NLRP10: variants seen among roughly 807,000 people sequenced by gnomAD.
The protein encoded by NLRP10 is NLR family pyrin domain containing 10.
Under a neutral mutation model 8.2 loss-of-function variants are expected in NLRP10, and 7 were observed. The observed-to-expected ratio is 0.85, with a 90% CI of 0.48 to 1.60. NLRP10 has a LOEUF of 1.60. NLRP10 is among the 40% of genes most tolerant of loss of function. The pLI, the probability that NLRP10 is intolerant of heterozygous loss-of-function variation, is 0.00. For missense variants in NLRP10, 814 were observed against 776.3 expected (o/e 1.05, Z -0.58); for synonymous variants, 338 against 314.0 (o/e 1.08, Z -0.81).
Position 7,960,885 on chromosome 11 carries a change from G to T in NLRP10, c.727C>A (p.Arg243=), listed in dbSNP as rs59039403. The T allele has an allele frequency of 1.2e-6, 2 of 1,614,096 alleles. No individual in the cohort carries two copies. Among genetic ancestry groups the T allele is most frequent in the East Asian group, 2.2e-5 (1 of 44,868 alleles). ...PVTEILRQPE[R]LLFILDGFDE... is the part of the protein sequence containing the mutation. The stretch of plus-strand genomic sequence containing the variant: ...AAGCCATCCAGGATGAACAGGAGCC[G>T]CTCTGGCTGCCTCAGAATCTCTGTG... The change falls in exon 3 of 3, where the codon CGG becomes AGG. Residue 243 remains arginine, a synonymous_variant. Transcript: ENST00000691676.
rs191146131 is a variant in NLRP10 at position 7,963,550 on chromosome 11, G to C, written c.-45-10C>G. 2.6e-4 allele frequency: 386 copies of C among 1,509,632 alleles called. 1 individual carries two copies. In the African/African-American group the frequency reaches 4.5e-3, roughly 18 times the overall value. 93.5% of individuals were successfully genotyped at this position (1,509,632 alleles called of 1,614,324 possible). On this transcript the variant is annotated splice_polypyrimidine_tract_variant and intron_variant, in intron 1 of 2. Transcript: ENST00000691676. The stretch of plus-strand genomic sequence containing the variant: ...CCAGAAGACCAGTGACCTGGAGAAA[G>C]AGGCAAAAGGAGAGGTCCACTGCTG...
chr11:7,963,449 G>T lies in NLRP10; in HGVS notation c.47C>A (p.Ala16Asp). 2 of 1,614,012 alleles carry T rather than the reference G, an allele frequency of 1.2e-6. No homozygotes were observed. Among genetic ancestry groups the T allele is most frequent in the Middle Eastern group, 1.7e-4 (1 of 6,024 alleles). The part of the protein sequence containing the change: ...ARKPREALLW[A>D]LSDLEENDFK... Reference sequence around the variant, plus strand: ...ATCGTTCTCCTCAAGGTCACTCAAGGCCCAGAGCAATGCCTCCCGGGGCTT... The same window carrying T: ...ATCGTTCTCCTCAAGGTCACTCAAGTCCCAGAGCAATGCCTCCCGGGGCTT... Residue 16 changes from alanine to aspartate, a missense_variant, in exon 2 of 3, where the codon GCC becomes GAC. Physicochemically the swap from Ala to Asp is moderately radical, Grantham distance 126 (BLOSUM62 -2). Transcript: ENST00000691676.
In NLRP10 at chr11:7,958,724, A is replaced by T. The variant is rs558713100; in HGVS notation, c.*920T>A. On this transcript the variant is annotated 3_prime_UTR_variant, in exon 3 of 3. Coordinates refer to ENST00000691676, the MANE Select transcript of NLRP10 (RefSeq NM_001391958.1). ...ACCACCACGCCCGGCTAACTTTCGT[A>T]TTTTTAGTAAAGACGGGGTTTCACC... 4.6e-5 allele frequency among the ~76,000 whole-genome samples: 7 copies of T among 152,120 alleles called. No individual in the cohort carries two copies. Among genetic ancestry groups the T allele is most frequent in the Admixed American group, 4.6e-4 (7 of 15,270 alleles).
rs1475143494 is a variant in NLRP10, at chr11:7,959,626, G to A, written c.*18C>T. ...TTGTCATTTTCCTCATAGAGATCTT[G>A]TACATATTTAATTAGGTTTATATGT... is the stretch of plus-strand genomic sequence containing the variant. On this transcript the variant is annotated 3_prime_UTR_variant, in exon 3 of 3. Transcript: ENST00000691676. 3 of 1,245,100 alleles carry A rather than the reference G, an allele frequency of 2.4e-6. No individual in the cohort carries two copies. The highest frequency in any genetic ancestry group is 3.4e-6 in the Non-Finnish European group (3 of 885,500). 77.1% of individuals were successfully genotyped at this position (1,245,100 alleles called of 1,614,324 possible).
rs746592595 is a variant in NLRP10, at chr11:7,961,018, G to C, written c.594C>G (p.Gly198=). 6.2e-7 allele frequency: 1 copy of C among 1,614,178 alleles called. No homozygotes were observed. Among genetic ancestry groups the C allele is most frequent in the Admixed American group, 1.7e-5 (1 of 60,018 alleles). ...LDWATGTLYP[G]RFDYVFYVSC... ...TTACATAAAAGACATAATCAAACCG[G>C]CCTGGGTACAGAGTACCGGTGGCCC... Residue 198 remains glycine, a synonymous_variant, in exon 3 of 3, where the codon GGC becomes GGG. Transcript: ENST00000691676.
Position 7,960,543 on chromosome 11 carries a change from A to C in NLRP10, c.1069T>G (p.Cys357Gly), listed in dbSNP as rs1941698700. The C allele has an allele frequency of 6.2e-7, 1 of 1,614,064 alleles. No homozygotes were observed. The highest frequency in any genetic ancestry group is 8.5e-7 in the Non-Finnish European group (1 of 1,180,046). The change falls in exon 3 of 3, where the codon TGC (cysteine) becomes GGC (glycine). Residue 357 changes from cysteine (C) to glycine (G), a missense_variant. Cys to Gly is a radical substitution (Grantham distance 159). Transcript: ENST00000691676. ...LYKACQVPGI[C>G]WVVCSWLQGQ... ...TGCAGCCAGGAGCAGACCACCCAGCAAATGCCTGGAACCTGACACGCTTTG... is the reference window on the plus strand; with the variant it reads ...TGCAGCCAGGAGCAGACCACCCAGCCAATGCCTGGAACCTGACACGCTTTG...
rs1205958763 is a variant in NLRP10 at position 7,960,595 on chromosome 11, G to C, written c.1017C>G (p.Asp339Glu). 2 of 1,614,054 alleles carry C rather than the reference G, an allele frequency of 1.2e-6. No individual in the cohort carries two copies. The highest frequency in any genetic ancestry group is 1.3e-5 in the African/African-American group (1 of 74,912). ...TDEKQADRAF[D>E]IVQKNDILYK... ...AGAGAATGTCATTTTTCTGTACAAT[G>C]TCGAAGGCACGGTCAGCTTGCTTCT... The change falls in exon 3 of 3, where the codon GAC becomes GAG. Residue 339 changes from aspartate (D) to glutamate (E), a missense_variant. Transcript: ENST00000691676.
In NLRP10 at chr11:7,963,332, A is replaced by G. The variant is rs755191257; in HGVS notation, c.164T>C (p.Val55Ala). ...TGAAATCAGTAATTCTGCCAGGTCC[A>G]CCGGAATCAGGCCCTCCAACTCCCC... ...ARGELEGLIP[V>A]DLAELLISKY... The change falls in exon 2 of 3, where the codon GTG becomes GCG. Residue 55 changes from valine to alanine, a missense_variant. Val to Ala is a moderately conservative substitution (Grantham distance 64). Transcript: ENST00000691676. 5 of 1,614,196 alleles carry G rather than the reference A, an allele frequency of 3.1e-6. No homozygotes were observed. The highest frequency in any genetic ancestry group is 4.2e-6 in the Non-Finnish European group (5 of 1,180,032).
Position 7,961,242 on chromosome 11 carries a change from C to T in NLRP10, c.370G>A (p.Val124Met), listed in dbSNP as rs941648638. The change falls in exon 3 of 3, where the codon GTG becomes ATG. Residue 124 changes from valine (V) to methionine (M), a missense_variant. Coordinates refer to ENST00000691676, the MANE Select transcript of NLRP10 (RefSeq NM_001391958.1). ...EAGVNGRYNQVLLVAKPSSES... is the reference protein window; with the variant it reads ...EAGVNGRYNQMLLVAKPSSES... ...GAGCTGGGCTTGGCCACCAGGAGCA[C>T]CTGGTTGTATCTGCCATTGACTCCT... The T allele has an allele frequency of 9.9e-6, 16 of 1,613,162 alleles. No individual in the cohort carries two copies. Among genetic ancestry groups the T allele is most frequent in the Non-Finnish European group, 1.3e-5 (15 of 1,179,448 alleles).
intron 1 of NLRP10, 114 bp from the exon 2 acceptor site, chr11:7,963,654 C>T (rs771664360): frequency 1.5e-5 from 9 of 612,976 alleles, no homozygotes; most frequent in Non-Finnish European, 2.5e-5. Context: ...ATGTGCAAAG[C>T]TCCAAGAAAG....
Position 7,960,878 on chromosome 11 carries a change from A to G in NLRP10, c.734T>C (p.Leu245Pro), listed in dbSNP as rs1941709520. 1 of 1,614,168 alleles carries G rather than the reference A, an allele frequency of 6.2e-7. No individual in the cohort carries two copies. Among genetic ancestry groups the G allele is most frequent in the Non-Finnish European group, 8.5e-7 (1 of 1,180,034 alleles). Residue 245 changes from leucine to proline, a missense_variant, in exon 3 of 3, where the codon CTG becomes CCG. Coordinates refer to ENST00000691676, the MANE Select transcript of NLRP10 (RefSeq NM_001391958.1). ...CTCATCAAAGCCATCCAGGATGAAC[A>G]GGAGCCGCTCTGGCTGCCTCAGAAT... is the stretch of plus-strand genomic sequence containing the variant. The part of the protein sequence containing the change: ...TEILRQPERL[L>P]FILDGFDELQ...
Position 7,958,466 on chromosome 11 carries a change from A to T in NLRP10, c.*1178T>A, listed in dbSNP as rs1470757579. On this transcript the variant is annotated 3_prime_UTR_variant, in exon 3 of 3. Coordinates refer to ENST00000691676, the MANE Select transcript of NLRP10 (RefSeq NM_001391958.1). ...TGTGGTTTTAGTTTGCAATTCCCTA[A>T]TGACATATGAAGTTGAGCGTCTTTT... 6.6e-6 allele frequency among the ~76,000 whole-genome samples: 1 copy of T among 152,058 alleles called. No homozygotes were observed. Among genetic ancestry groups the T allele is most frequent in the Non-Finnish European group, 1.5e-5 (1 of 68,026 alleles).
Position 7,961,324 on chromosome 11 carries a change from T to C in NLRP10, c.290-2A>G, listed in dbSNP as rs1434438024. On this transcript the variant is annotated splice_acceptor_variant, in intron 2 of 2. Transcript: ENST00000691676. LOFTEE classifies it high-confidence loss of function. ...GCTCTCGGTATACTTCTCTGTAATC[T>C]GAGCCAAACAAATGGGATGTTAGGT... The C allele has an allele frequency of 2.6e-6, 4 of 1,537,108 alleles. No individual in the cohort carries two copies. Among genetic ancestry groups the C allele is most frequent in the Admixed American group, 2.1e-5 (1 of 48,362 alleles).
intron 1 of NLRP10, 54 bp from the exon 2 acceptor site, chr11:7,963,594 C>G (rs1941770198): frequency 8.7e-7 from 1 of 1,155,266 alleles, no homozygotes; most frequent in African/African-American, 1.5e-5. Flanking sequence ...ACCCTGCTTT[C>G]TGGGGGCTTG....
Position 7,959,815 on chromosome 11 carries a change from C to T in NLRP10, c.1797G>A (p.Gln599=). Residue 599 remains glutamine (Q), a synonymous_variant, in exon 3 of 3, where the codon CAG becomes CAA. Transcript: ENST00000691676. ...KHSNEKKSQS[Q]NLFSVKSSLS... Reference sequence around the variant, plus strand: ...AGCTGCTTTTGACAGAAAATAAATTCTGGCTCTGTGATTTCTTTTCATTTG... The same window carrying T: ...AGCTGCTTTTGACAGAAAATAAATTTTGGCTCTGTGATTTCTTTTCATTTG... 2 of 1,614,012 alleles carry T rather than the reference C, an allele frequency of 1.2e-6. No homozygotes were observed. Among genetic ancestry groups the T allele is most frequent in the Non-Finnish European group, 1.7e-6 (2 of 1,179,962 alleles).
chr11:7,960,530 C>T lies in NLRP10; in HGVS notation c.1082G>A (p.Cys361Tyr). The T allele has an allele frequency of 6.2e-7, 1 of 1,614,210 alleles. No individual in the cohort carries two copies. The highest frequency in any genetic ancestry group is 8.5e-7 in the Non-Finnish European group (1 of 1,180,040). The change falls in exon 3 of 3, where the codon TGC becomes TAC. Residue 361 changes from cysteine (C) to tyrosine (Y), a missense_variant. Cys to Tyr is a radical substitution (Grantham distance 194). Transcript: ENST00000691676. The stretch of plus-strand genomic sequence containing the variant: ...CTCCATCTGCCCCTGCAGCCAGGAG[C>T]AGACCACCCAGCAAATGCCTGGAAC... Reference protein sequence around the residue: ...CQVPGICWVVCSWLQGQMERG... With the variant: ...CQVPGICWVVYSWLQGQMERG...
In NLRP10 at chr11:7,960,819, T is replaced by C. The variant is rs775447358; in HGVS notation, c.793A>G (p.Arg265Gly). The change falls in exon 3 of 3, where the codon AGG becomes GGG. Residue 265 changes from arginine (R) to glycine (G), a missense_variant. Coordinates refer to ENST00000691676, the MANE Select transcript of NLRP10 (RefSeq NM_001391958.1). ...QRPFEEKLKK[R>G]GLSPKESLLH... is the part of the protein sequence containing the mutation. ...AGGCTCTCCTTGGGACTCAAACCCC[T>C]CTTCTTCAACTTTTCTTCAAAGGGC... 1.2e-6 allele frequency: 2 copies of C among 1,614,076 alleles called. No individual in the cohort carries two copies. Among genetic ancestry groups the C allele is most frequent in the East Asian group, 4.5e-5 (2 of 44,872 alleles).
rs1417983602 is a variant in NLRP10, at chr11:7,960,288, TG to T, written c.1323del (p.Arg442GlyfsTer6). On this transcript the variant is annotated frameshift_variant, in exon 3 of 3. Coordinates refer to ENST00000691676, the MANE Select transcript of NLRP10 (RefSeq NM_001391958.1). LOFTEE classifies it low-confidence loss of function (END_TRUNC). ...AELRKHNLDGPRLAAFLSSND... is the reference protein window; with the variant it reads ...AELRKHNLDGXRLAAFLSSND... ...TTACTACTCAGGAAAGCGGCAAGCC[TG>T]GGGCCATCTAAATTATGTTTCCTGA... 8 of 1,614,184 alleles carry T rather than the reference TG, an allele frequency of 5.0e-6. No homozygotes were observed. Among genetic ancestry groups the T allele is most frequent in the Non-Finnish European group, 5.1e-6 (6 of 1,180,032 alleles).
rs762414203 is a variant in NLRP10 at position 7,960,552 on chromosome 11, G to A, written c.1060C>T (p.Pro354Ser). ...GAGCAGACCACCCAGCAAATGCCTG[G>A]AACCTGACACGCTTTGTAGAGAATG... ...NDILYKACQV[P>S]GICWVVCSWL... is the part of the protein sequence containing the mutation. The change falls in exon 3 of 3, where the codon CCA (proline) becomes TCA (serine). Residue 354 changes from proline (P) to serine (S), a missense_variant. Pro to Ser is a moderately conservative substitution (Grantham distance 74, BLOSUM62 -1). Transcript: ENST00000691676. 10 of 1,614,202 alleles carry A rather than the reference G, an allele frequency of 6.2e-6. No homozygotes were observed. The highest frequency in any genetic ancestry group is 8.5e-6 in the Non-Finnish European group (10 of 1,180,048).
Sources: gnomAD v4.1 joint callset for allele counts (sites outside exome capture counted in the v4.1 genomes callset) on GRCh38, gnomAD v4.1.1 for gene constraint, MANE v1.5 for transcripts, NCBI Gene and HGNC (gene_info 2026-07-23, HGNC 2026-07-21) for gene names.